Variants in TKFC observed in about 807,000 individuals in gnomAD.
TKFC encodes the protein triokinase and FMN cyclase, also known as triokinase/FMN cyclase.
Under a neutral mutation model 61.0 loss-of-function variants are expected in TKFC, and 46 were observed. The ratio of observed to expected loss-of-function variants is 0.75; its 90% CI spans 0.60 to 0.96. TKFC has a LOEUF of 0.96. TKFC is among the 50% of genes least tolerant of loss of function. TKFC has a pLI of 0.00. For missense variants in TKFC, 715 were observed against 777.5 expected (o/e 0.92, Z 0.96); for synonymous variants, 314 against 330.1 (o/e 0.95, Z 0.53).
At chr11:61,351,288 T>C (rs961837234), downstream of TKFC, 22 of 680,696 alleles carry the variant, frequency 3.2e-5, no homozygotes, top group African/African-American at 6.0e-5. Flanking sequence ...CCCTTTCTTT[T>C]TTTTTTTTTT....
At chr11:61,349,759 C>A (rs182782568), downstream of TKFC, 9 of 658,200 alleles carry the variant, frequency 1.4e-5, no homozygotes, top group African/African-American at 1.2e-4. Context: ...CGCCACTCCC[C>A]CTTTCTGCAA....
Position 61,345,907 on chromosome 11 carries a change from A to G in TKFC, c.1536A>G (p.Pro512=). 1 of 1,614,106 alleles carries G rather than the reference A, an allele frequency of 6.2e-7. No homozygotes were observed. The highest frequency in any genetic ancestry group is 8.5e-7 in the Non-Finnish European group (1 of 1,180,034). ...AGGAGCTCCAAGCCTGGAAGAGCCC[A>G]GGAGCTGATCTGTTACAAGTCCTGA... The part of the protein sequence containing the change: ...AGQELQAWKS[P]GADLLQVLTK... The change falls in exon 17 of 18, where the codon CCA becomes CCG. Residue 512 remains proline (P), a synonymous_variant. Coordinates refer to ENST00000394900, the MANE Select transcript of TKFC (RefSeq NM_015533.4).
rs931365070 is a variant in TKFC, at chr11:61,349,179, C to G, written c.*2676C>G. ...ACTTAGGAGCAAGACCCTTCCCGCT[C>G]TCCACCCTATTTCCTCCCCTGAAGA... On this transcript the variant is annotated 3_prime_UTR_variant, in exon 18 of 18. Coordinates refer to ENST00000394900, the MANE Select transcript of TKFC (RefSeq NM_015533.4). 5 of 236,792 alleles carry G rather than the reference C, an allele frequency of 2.1e-5. No individual in the cohort carries two copies. Among genetic ancestry groups the G allele is most frequent in the Non-Finnish European group, 4.4e-5 (5 of 114,504 alleles). 14.7% of individuals were successfully genotyped at this position (236,792 alleles called of 1,614,324 possible). A position where few individuals can be genotyped will look rare whatever the true frequency, so the allele number is the denominator to read the frequency against.
chr11:61,350,313 C>T (rs1857335875), downstream of TKFC: 2 of 1,539,124 alleles, frequency 1.3e-6, no homozygotes, highest in South Asian at 1.2e-5. Context: ...CTGCTGAAAC[C>T]AGCCGGGAGC....
chr11:61,345,833 C>T, intron 16 of TKFC, 24 bp from the exon 17 acceptor site: 1 of 1,614,100 alleles, frequency 6.2e-7, no homozygotes, highest in Non-Finnish European at 8.5e-7. Context: ...CCGTGCTCAG[C>T]CCCCTTTCCT....
chr11:61,353,156 G>C, downstream of TKFC: 1 of 1,588,004 alleles, frequency 6.3e-7, no homozygotes, highest in Non-Finnish European at 8.6e-7. Flanking sequence ...ACAAAAGGGA[G>C]GACACACCCG....
chr11:61,339,574 G>A, intron 5 of TKFC, 139 bp downstream of exon 5: 1 of 994,284 alleles, frequency 1.0e-6, no homozygotes, highest in Non-Finnish European at 1.4e-6. Flanking sequence ...ATCTCAGAAG[G>A]CCCCGCCATC....
rs200524414 is a variant in TKFC, at chr11:61,334,722, C to G, written c.-7C>G. On this transcript the variant is annotated 5_prime_UTR_variant, in exon 2 of 18. Transcript: ENST00000394900. ...GTGAACTCAGCCTGTTTCAGAGCCT[C>G]CACACCATGGTGAGTCATACAGGGC... The G allele has an allele frequency of 1.2e-6, 2 of 1,614,154 alleles. No individual in the cohort carries two copies. Among genetic ancestry groups the G allele is most frequent in the Non-Finnish European group, 8.5e-7 (1 of 1,180,020 alleles).
chr11:61,334,375 G>C (rs1361480936), intron 1 of TKFC: 2 of 247,280 alleles, frequency 8.1e-6, no homozygotes, highest in Non-Finnish European at 1.6e-5. Context: ...GTGATGAAGT[G>C]GGTGCTGTTC....
Position 61,348,109 on chromosome 11 carries a change from A to C in TKFC, c.*1606A>C, listed in dbSNP as rs1179992358. The C allele has an allele frequency of 2.0e-6, 2 of 985,478 alleles. No homozygotes were observed. The highest frequency in any genetic ancestry group is 1.2e-6 in the Non-Finnish European group (1 of 829,936). 61.0% of individuals were successfully genotyped at this position (985,478 alleles called of 1,614,324 possible). On this transcript the variant is annotated 3_prime_UTR_variant, in exon 18 of 18. Coordinates refer to ENST00000394900, the MANE Select transcript of TKFC (RefSeq NM_015533.4). The stretch of plus-strand genomic sequence containing the variant: ...CCCTGACCACAAGGCATCCACGTGC[A>C]CAGGAGTATGCGCCCAGCAGCTGGG...
chr11:61,336,312 C>G (rs1205557320), intron 2 of TKFC: 1 of 154,446 alleles, frequency 6.5e-6, no homozygotes, highest in Non-Finnish European at 1.5e-5. Context: ...CTGGTGCTAG[C>G]AAGCTCAGGA....
chr11:61,334,573 C>G, intron 1 of TKFC, 47 bp from the exon 2 acceptor site: 1 of 927,746 alleles, frequency 1.1e-6, no homozygotes, highest in South Asian at 1.5e-5. Context: ...TTGTGCCAGT[C>G]GACTGCGAGT....
chr11:61,339,654 C>A, intron 5 of TKFC: 1 of 570,872 alleles, frequency 1.8e-6, no homozygotes, highest in African/African-American at 1.9e-5. Context: ...CACACCCAAT[C>A]AGTTGCCCGG....
rs896430061 is a variant in TKFC, at chr11:61,346,421, C to T, written c.1646C>T (p.Ser549Leu). The change falls in exon 18 of 18, where the codon TCA (serine) becomes TTA (leucine). Residue 549 changes from serine to leucine, a missense_variant. Ser to Leu is a moderately radical substitution (Grantham distance 145). Coordinates refer to ENST00000394900, the MANE Select transcript of TKFC (RefSeq NM_015533.4). This position sits in a 1 kb window ranked among gnomAD's most constrained non-coding sequence, Gnocchi z 4.1. ...GCCGGAAGAGCCAGTTATATCAGCTCAGCACGGCTGGAGCAGCCAGACCCC... is the reference window on the plus strand; with the variant it reads ...GCCGGAAGAGCCAGTTATATCAGCTTAGCACGGCTGGAGCAGCCAGACCCC... ...AGAGRASYIS[S>L]ARLEQPDPGA... 4 of 1,612,156 alleles carry T rather than the reference C, an allele frequency of 2.5e-6. No individual in the cohort carries two copies. The East Asian group carries it at 6.7e-5, about 27-fold the overall frequency.
At position 61,339,238 on chromosome 11, in the gene TKFC, C is replaced by T. The variant is rs112901356; in HGVS notation, c.305-16C>T. On this transcript the variant is annotated splice_polypyrimidine_tract_variant and intron_variant, in intron 4 of 17. Transcript: ENST00000394900. ...GGCACAGTAAGCACACTGAGCCCTT[C>T]CGGCTGCTCCCGCAGTGGGGACGCT... 169 of 1,611,776 alleles carry T rather than the reference C, an allele frequency of 1.0e-4. No homozygotes were observed. In the African/African-American group the frequency reaches 1.9e-3, roughly 18 times the overall value.
At position 61,341,994 on chromosome 11, in the gene TKFC, A is replaced by G. The variant is rs916873607; in HGVS notation, c.655+82A>G. ...CACCTTGCATACCCTTAGAGCCATC[A>G]ACCTGGTCCTCTCCCCAGGTGGTCT... On this transcript the variant is annotated intron_variant, in intron 7 of 17. Transcript: ENST00000394900. 4 of 1,329,124 alleles carry G rather than the reference A, an allele frequency of 3.0e-6. No homozygotes were observed. In the East Asian group the frequency reaches 9.2e-5, roughly 31 times the overall value. 82.3% of individuals were successfully genotyped at this position (1,329,124 alleles called of 1,614,324 possible). A position where few individuals can be genotyped will look rare whatever the true frequency, so the allele number is the denominator to read the frequency against.
downstream of TKFC, chr11:61,353,106 A>G (rs539002764): frequency 3.1e-5 from 50 of 1,612,762 alleles, no homozygotes; most frequent in Non-Finnish European, 3.3e-5. Context: ...ATGGACGCCC[A>G]GGGCAGGAGG....
Position 61,349,215 on chromosome 11 carries a change from C to A in TKFC, c.*2712C>A. On this transcript the variant is annotated 3_prime_UTR_variant, in exon 18 of 18. Transcript: ENST00000394900. ...TTCCTCCCCTGAAGAAGAGCAACAG[C>A]TCAAGCTCTAGCATGGCACAGAACG... 3.5e-6 allele frequency: 1 copy of A among 285,218 alleles called. No homozygotes were observed. Among genetic ancestry groups the A allele is most frequent in the Non-Finnish European group, 7.0e-6 (1 of 142,178 alleles). 17.7% of individuals were successfully genotyped at this position (285,218 alleles called of 1,614,324 possible). A position where few individuals can be genotyped will look rare whatever the true frequency, so the allele number is the denominator to read the frequency against.
At chr11:61,345,787 C>T (rs1270075527) in intron 16 of TKFC, 42 bp downstream of exon 16, 1 of 1,614,184 alleles carries the variant, frequency 6.2e-7, no homozygotes, top group Non-Finnish European at 8.5e-7. Flanking sequence ...CTCCTTTTGG[C>T]CCTGTAAGTC....
Sources: gnomAD v4.1 joint callset for allele counts on GRCh38, gnomAD v4.1.1 for gene constraint, Gnocchi (gnomAD v3.1) non-coding constraint, MANE v1.5 for transcripts, NCBI Gene and HGNC (gene_info 2026-07-23, HGNC 2026-07-21) for gene names.